The following PAPLN variants were observed in gnomAD, a reference collection of about 807,000 sequenced individuals.
PAPLN encodes papilin, proteoglycan like sulfated glycoprotein, also known as papilin.
PAPLN carries 146 observed loss-of-function variants against 159.0 expected under a neutral mutation model. That is an observed-to-expected ratio of 0.92 (90% CI 0.80 to 1.05). The LOEUF is 1.05. Among genes scored for constraint, PAPLN ranks in the 50% least tolerant of loss-of-function variants. PAPLN has a pLI of 0.00. For synonymous variants in PAPLN, 734 were observed against 702.9 expected, an observed-to-expected ratio of 1.04 and a Z score of -0.70; for missense variants, 1,720 against 1,743.9, an observed-to-expected ratio of 0.99 and a Z score of 0.24.
chr14:73,247,826 G>GGCGA (rs1884670588), intron 5 of PAPLN, among the ~76,000 whole-genome samples: 1 of 139,830 alleles, frequency 7.2e-6, no homozygotes, highest in Non-Finnish European at 1.5e-5. Context: ...GTGTGTGTGT[G>GGCGA]TGTGTGTGTG....
At chr14:73,239,703 C>T (rs1883321737) in intron 1 of PAPLN, 70 bp from the exon 2 acceptor site, 2 of 1,532,124 alleles carry the variant, frequency 1.3e-6, no homozygotes, top group African/African-American at 2.8e-5. Context: ...GACGCGCCCA[C>T]ACACTCTCGC....
intron 6 of PAPLN, 144 bp downstream of exon 6, chr14:73,250,258 A>G: frequency 8.5e-7 from 1 of 1,171,162 alleles, no homozygotes; most frequent in Non-Finnish European, 1.1e-6. Flanking sequence ...CCCAGCTCCT[A>G]GGGTACCTTG....
Position 73,261,307 on chromosome 14 carries a change from C to G in PAPLN, c.2245+13C>G. 6.2e-7 allele frequency: 1 copy of G among 1,612,370 alleles called. No individual in the cohort carries two copies. The highest frequency in any genetic ancestry group is 1.1e-5 in the South Asian group (1 of 90,964). ...CAGCCCAGCCATGGTGAGTGGACACCCCCTCTCCTCCTTCTCGATGGGTAG... is the reference window on the plus strand; with the variant it reads ...CAGCCCAGCCATGGTGAGTGGACACGCCCTCTCCTCCTTCTCGATGGGTAG... On this transcript the variant is annotated intron_variant, in intron 18 of 26. Transcript: ENST00000644200.
chr14:73,264,333 T>C lies in PAPLN; in HGVS notation c.2984T>C (p.Ile995Thr). 1.2e-6 allele frequency: 2 copies of C among 1,613,044 alleles called. No homozygotes were observed. The highest frequency in any genetic ancestry group is 1.7e-6 in the Non-Finnish European group (2 of 1,179,476). Residue 995 changes from isoleucine (I) to threonine (T), a missense_variant and splice_region_variant, in exon 21 of 27, where the codon ATA (isoleucine) becomes ACA (threonine). Transcript: ENST00000644200. Reference protein sequence around the residue: ...RDSQKIQLRIIGGDMAVLSEA... With the variant: ...RDSQKIQLRITGGDMAVLSEA... Reference sequence around the variant, plus strand: ...TCCCAGAAGATCCAACTTCGCATCATAGGTCTCTGTCCCCACCCCATCCAC... The same window carrying C: ...TCCCAGAAGATCCAACTTCGCATCACAGGTCTCTGTCCCCACCCCATCCAC...
intron 12 of PAPLN, 137 bp downstream of exon 12, chr14:73,254,098 C>T (rs998261498): frequency 2.0e-6 from 2 of 999,846 alleles, no homozygotes; most frequent in Non-Finnish European, 1.4e-6. Flanking sequence ...AAGCTGTGGC[C>T]AAGGCTGGGA....
intron 11 of PAPLN, among the ~76,000 whole-genome samples, chr14:73,253,447 G>A (rs1458812660): frequency 6.6e-6 from 1 of 152,202 alleles, no homozygotes; most frequent in Non-Finnish European, 1.5e-5. Context: ...AGGTCAGACC[G>A]AGAGGAATGG....
intron 16 of PAPLN, 36 bp downstream of exon 16, chr14:73,259,581 C>T: frequency 1.4e-6 from 2 of 1,467,436 alleles, no homozygotes; most frequent in Non-Finnish European, 1.8e-6. Context: ...CCTCCCCCGT[C>T]AAAGAGGGAA....
intron 18 of PAPLN, 111 bp from the exon 19 acceptor site, chr14:73,262,239 T>G: frequency 9.2e-7 from 1 of 1,087,614 alleles, no homozygotes; most frequent in Non-Finnish European, 1.3e-6. Flanking sequence ...GGTGTAGACA[T>G]GCTTTATAAG....
At position 73,246,159 on chromosome 14, in the gene PAPLN, GCTGCCCTACTA is replaced by G; in HGVS notation, c.320_330del (p.Leu107GlnfsTer7). ...AGTTCCAGGGGCGGCGGTATCGGTG[GCTGCCCTACTA>G]CAGCGGTGAGCGCGGCCGGGACTCG... On this transcript the variant is annotated frameshift_variant, in exon 5 of 27. Transcript: ENST00000644200. LOFTEE classifies it high-confidence loss of function. 6.3e-7 allele frequency: 1 copy of G among 1,588,978 alleles called. No individual in the cohort carries two copies. The highest frequency in any genetic ancestry group is 1.8e-5 in the Admixed American group (1 of 56,324).
chr14:73,263,585 A>G (rs1385886002), intron 19 of PAPLN, 60 bp from the exon 20 acceptor site: 1 of 1,607,854 alleles, frequency 6.2e-7, no homozygotes. Context: ...CACACTGCTT[A>G]GGGTGGTTCT....
In PAPLN at chr14:73,245,842, G is replaced by A. The variant is rs1884192367; in HGVS notation, c.231+146G>A. The A allele has an allele frequency of 8.8e-7, 1 of 1,132,824 alleles. No homozygotes were observed. The highest frequency in any genetic ancestry group is 1.5e-5 in the South Asian group (1 of 66,052). The allele number at this position is 1,132,824 out of a possible 1,614,324, so 70.2% of individuals were successfully genotyped here. A position where few individuals can be genotyped will look rare whatever the true frequency, so the allele number is the denominator to read the frequency against. ...CGCCAATCCACAGCAGGGCTGCGTGGGGGCCCCTTCCTCACCCTGCTCCCG... is the reference window on the plus strand; with the variant it reads ...CGCCAATCCACAGCAGGGCTGCGTGAGGGCCCCTTCCTCACCCTGCTCCCG... On this transcript the variant is annotated intron_variant, in intron 4 of 26. Coordinates refer to ENST00000644200, the MANE Select transcript of PAPLN (RefSeq NM_001365906.3). The surrounding 1 kb of genome is among the most constrained non-coding windows in gnomAD (Gnocchi z 4.2).
Position 73,252,114 on chromosome 14 carries a change from A to C in PAPLN, c.940A>C (p.Ser314Arg). 6.2e-7 allele frequency: 1 copy of C among 1,609,186 alleles called. No individual in the cohort carries two copies. Among genetic ancestry groups the C allele is most frequent in the African/African-American group, 1.3e-5 (1 of 74,938 alleles). The change falls in exon 10 of 27, where the codon AGT (serine) becomes CGT (arginine). Residue 314 changes from serine (S) to arginine (R), a missense_variant. Coordinates refer to ENST00000644200, the MANE Select transcript of PAPLN (RefSeq NM_001365906.3). ...PGFSWSHGSWSDCSAECGGGH... is the reference protein window; with the variant it reads ...PGFSWSHGSWRDCSAECGGGH... The stretch of plus-strand genomic sequence containing the variant: ...CTTCAGCTGGAGCCACGGCTCATGG[A>C]GTGACTGCAGCGCGGAGTGTGGCGG...
At position 73,269,529 on chromosome 14, in the gene PAPLN, G is replaced by A. The variant is rs549046726; in HGVS notation, c.3667+806G>A. 4.6e-5 allele frequency among the ~76,000 whole-genome samples: 7 copies of A among 152,322 alleles called. No homozygotes were observed. The East Asian group carries it at 7.7e-4, about 17-fold the overall frequency. ...TAGGATGCAAACCAACTTGAGAGAT[G>A]TGAAAATAAGTGCATATCAGAACTG... On this transcript the variant is annotated intron_variant, in intron 26 of 26. Coordinates refer to ENST00000644200, the MANE Select transcript of PAPLN (RefSeq NM_001365906.3).
chr14:73,272,715 A>T lies in PAPLN; in HGVS notation c.*51A>T. On this transcript the variant is annotated 3_prime_UTR_variant, in exon 27 of 27. Transcript: ENST00000644200. ...TCCAAAATAGTTCATAGGGCTAGGG[A>T]GAAAGGAAGATGGACTCTTGGCTTC... The T allele has an allele frequency of 4.9e-6, 7 of 1,429,988 alleles. No homozygotes were observed. The highest frequency in any genetic ancestry group is 6.5e-6 in the Non-Finnish European group (7 of 1,075,540). The allele number at this position is 1,429,988 out of a possible 1,614,324, so 88.6% of individuals were successfully genotyped here.
intron 9 of PAPLN, 56 bp downstream of exon 9, chr14:73,251,892 C>T (rs1203562803): frequency 6.5e-7 from 1 of 1,547,924 alleles, no homozygotes; most frequent in Non-Finnish European, 8.7e-7. Context: ...CCCCAAGAGG[C>T]TGCCAAGCTC....
chr14:73,244,490 G>A (rs759767315), intron 2 of PAPLN, 154 bp from the exon 3 acceptor site: 8 of 618,992 alleles, frequency 1.3e-5, no homozygotes, highest in East Asian at 5.9e-5. Context: ...TGGGGTGCCC[G>A]GCAGTGTTGC....
intron 19 of PAPLN, 131 bp from the exon 20 acceptor site, chr14:73,263,514 G>A: frequency 8.4e-7 from 1 of 1,197,338 alleles, no homozygotes; most frequent in East Asian, 2.4e-5. Context: ...GCCTCCCATA[G>A]GGACCCTCTA....
At chr14:73,270,779 G>C (rs764098814) in intron 26 of PAPLN, among the ~76,000 whole-genome samples, 25 of 152,162 alleles carry the variant, frequency 1.6e-4, no homozygotes, top group Admixed American at 5.2e-4. Flanking sequence ...GTGTGTCCCA[G>C]ATGGGACAGA....
intron 2 of PAPLN, 82 bp downstream of exon 2, chr14:73,239,914 C>A: frequency 6.8e-7 from 1 of 1,474,944 alleles, no homozygotes; most frequent in Non-Finnish European, 9.0e-7. Flanking sequence ...AGGCAACGTC[C>A]CCAGGAAAGG....
Sources: gnomAD v4.1 joint callset for allele counts (sites outside exome capture counted in the v4.1 genomes callset) on GRCh38, gnomAD v4.1.1 for gene constraint, Gnocchi (gnomAD v3.1) non-coding constraint, MANE v1.5 for transcripts, NCBI Gene and HGNC (gene_info 2026-07-23, HGNC 2026-07-21) for gene names.